The following ACYP2 variants were observed in gnomAD, a reference collection of about 807,000 sequenced individuals.
ACYP2 encodes the protein acylphosphatase-2.
ACYP2 carries 12 observed loss-of-function variants against 11.2 expected under a neutral mutation model. That is an observed-to-expected ratio of 1.08 (90% CI 0.69 to 1.74). ACYP2 has a LOEUF of 1.74. Among genes scored for constraint, ACYP2 ranks in the 40% most tolerant of loss-of-function variants. The pLI, the probability that ACYP2 is intolerant of heterozygous loss-of-function variation, is 0.00. For missense variants in ACYP2, 134 were observed against 101.9 expected (o/e 1.31, Z -1.35); for synonymous variants, 43 against 32.2 (o/e 1.33, Z -1.13).
chr2:54,014,278 G>C (rs1037677980), intron 2 of ACYP2, among the ~76,000 whole-genome samples: 45 of 152,208 alleles, frequency 3.0e-4, no homozygotes, highest in African/African-American at 1.0e-3. Flanking sequence ...GAAGATGAGG[G>C]TGGGGCTAGG....
intron 6 of ACYP2, among the ~76,000 whole-genome samples, chr2:54,269,173 C>T (rs886086312): frequency 3.3e-5 from 5 of 152,108 alleles, no homozygotes; most frequent in African/African-American, 1.2e-4. Flanking sequence ...GTCTTGAATT[C>T]TTGGCCTTAA....
At chr2:54,129,855 A>C (rs1264817530) in intron 4 of ACYP2, among the ~76,000 whole-genome samples, 1 of 148,314 alleles carries the variant, frequency 6.7e-6, no homozygotes, top group East Asian at 1.9e-4. Context: ...CAATAAATAT[A>C]ATATATAATC....
intron 3 of ACYP2, chr2:54,051,524 G>C: frequency 1.4e-6 from 1 of 726,626 alleles, no homozygotes; most frequent in South Asian, 1.5e-5. Context: ...GTTCTGTTCT[G>C]AGAATTGCCC....
intron 6 of ACYP2, among the ~76,000 whole-genome samples, chr2:54,154,075 T>C (rs1682325709): frequency 6.6e-6 from 1 of 152,088 alleles, no homozygotes; most frequent in South Asian, 2.1e-4. Context: ...ATGGCTGTTG[T>C]AAATGAGACT....
chr2:54,262,403 T>C (rs1687818655), intron 6 of ACYP2, among the ~76,000 whole-genome samples: 1 of 152,230 alleles, frequency 6.6e-6, no homozygotes, highest in Non-Finnish European at 1.5e-5. Flanking sequence ...AAAATAGATA[T>C]TATAAAATGT....
At chr2:54,086,448 GAGTCTCACA>G (rs1440613381) in intron 4 of ACYP2, among the ~76,000 whole-genome samples, 2 of 152,194 alleles carry the variant, frequency 1.3e-5, no homozygotes, top group Admixed American at 1.3e-4. Flanking sequence ...CTTGGCTCAT[GAGTCTCACA>G]AGCGGGTGTG....
intron 2 of ACYP2, among the ~76,000 whole-genome samples, chr2:53,997,347 C>A (rs1368432370): frequency 2.6e-5 from 4 of 151,976 alleles, no homozygotes; most frequent in South Asian, 2.1e-4. Flanking sequence ...GTTCTGCTGC[C>A]CAGGCTGGAG....
In ACYP2 at chr2:54,146,395, T is replaced by C. The variant is rs549441651; in HGVS notation, c.404+7647T>C. ...TTGACAATTTCCTTCCCTATCTCTTTTGGACCCTCTTCTTTTAGAACTTCT... is the reference window on the plus strand; with the variant it reads ...TTGACAATTTCCTTCCCTATCTCTTCTGGACCCTCTTCTTTTAGAACTTCT... On this transcript the variant is annotated intron_variant, in intron 6 of 6. Coordinates refer to ENST00000607452, the MANE Select transcript of ACYP2 (RefSeq NM_001320586.2). Among the ~76,000 whole-genome samples the C allele has an allele frequency of 2.6e-5, 4 of 152,258 alleles. No homozygotes were observed. In the East Asian group the frequency reaches 7.7e-4, roughly 29 times the overall value.
intron 6 of ACYP2, among the ~76,000 whole-genome samples, chr2:54,144,887 T>A (rs554319225): frequency 1.3e-5 from 2 of 152,170 alleles, no homozygotes; most frequent in East Asian, 3.8e-4. Flanking sequence ...CTTCCATCTT[T>A]ATTAATTTCC....
intron 4 of ACYP2, among the ~76,000 whole-genome samples, chr2:54,126,221 G>A (rs949596128): frequency 2.0e-5 from 3 of 152,210 alleles, no homozygotes; most frequent in African/African-American, 7.2e-5. Context: ...ACACTGAGGT[G>A]TACTGATGAC....
intron 6 of ACYP2, among the ~76,000 whole-genome samples, chr2:54,240,847 TA>T (rs1383345035): frequency 1.3e-5 from 2 of 152,218 alleles, no homozygotes; most frequent in African/African-American, 4.8e-5. Flanking sequence ...GGCTGCAAAA[TA>T]AGGTCCCTTT....
chr2:54,298,056 C>G (rs1008517696), intron 6 of ACYP2, among the ~76,000 whole-genome samples: 4 of 152,066 alleles, frequency 2.6e-5, no homozygotes, highest in African/African-American at 9.7e-5. Context: ...AAAATATATT[C>G]TAAAACTATA....
intron 6 of ACYP2, among the ~76,000 whole-genome samples, chr2:54,162,812 AAAC>A (rs765986632): frequency 1.1e-4 from 16 of 152,114 alleles, no homozygotes; most frequent in Non-Finnish European, 2.2e-4. Flanking sequence ...ACAACAACAA[AAAC>A]AACAACAACA....
At chr2:54,102,345 C>A (rs1304754963) in intron 4 of ACYP2, among the ~76,000 whole-genome samples, 1 of 152,124 alleles carries the variant, frequency 6.6e-6, no homozygotes, top group Non-Finnish European at 1.5e-5. Flanking sequence ...TGTTAGAGAC[C>A]AGCTTAAGCA....
chr2:54,101,894 C>G (rs1185748014), intron 4 of ACYP2, among the ~76,000 whole-genome samples: 2 of 152,158 alleles, frequency 1.3e-5, no homozygotes, highest in African/African-American at 4.8e-5. Context: ...TAGTGTGATA[C>G]ATTTGTAGTT....
At chr2:54,026,561 TC>T (rs1674299224) in intron 2 of ACYP2, among the ~76,000 whole-genome samples, 1 of 44,634 alleles carries the variant, frequency 2.2e-5, no homozygotes, top group Admixed American at 1.8e-4. Flanking sequence ...TTACTGGGTA[TC>T]TACCCAGAGG....
intron 6 of ACYP2, among the ~76,000 whole-genome samples, chr2:54,285,799 C>A (rs1257472450): frequency 6.6e-6 from 1 of 152,146 alleles, no homozygotes; most frequent in Non-Finnish European, 1.5e-5. Context: ...TCCTCTTTGC[C>A]TTCATCTATC....
intron 4 of ACYP2, among the ~76,000 whole-genome samples, chr2:54,072,426 C>G (rs1232134699): frequency 6.6e-6 from 1 of 152,096 alleles, no homozygotes; most frequent in East Asian, 1.9e-4. Context: ...CCACCTCAGT[C>G]TCTAGAATCC....
chr2:54,048,003 T>G (rs1399957704), intron 2 of ACYP2, among the ~76,000 whole-genome samples: 1 of 152,212 alleles, frequency 6.6e-6, no homozygotes, highest in Non-Finnish European at 1.5e-5. Flanking sequence ...ATCAAGTTGG[T>G]CTTCCAGGTC....
Sources: gnomAD v4.1 joint callset for allele counts (sites outside exome capture counted in the v4.1 genomes callset) on GRCh38, gnomAD v4.1.1 for gene constraint, MANE v1.5 for transcripts, NCBI Gene and HGNC (gene_info 2026-07-23, HGNC 2026-07-21) for gene names.